UBQLN4: variants seen among roughly 807,000 people sequenced by gnomAD.
UBQLN4 encodes ubiquilin 4, also known as ubiquilin-4.
In UBQLN4, 11 loss-of-function variants were observed where a neutral mutation model predicts 60.4. The observed-to-expected ratio is 0.18, with a 90% confidence interval of 0.11 to 0.30. UBQLN4 has a LOEUF of 0.30. Among genes scored for constraint, UBQLN4 ranks in the 10% least tolerant of loss-of-function variants. UBQLN4 has a pLI of 1.00. For synonymous variants in UBQLN4, 258 were observed against 313.1 expected (o/e 0.82, Z 1.86); for missense variants, 417 against 795.5 (o/e 0.52, Z 5.72).
In UBQLN4 at chr1:156,047,532, T is replaced by A. The variant is rs182577918; in HGVS notation, c.900+969A>T. On this transcript the variant is annotated intron_variant, in intron 5 of 10. Transcript: ENST00000368309. Reference sequence around the variant, plus strand: ...TGCTGGGATTACAGGTGTCAGCCACTGCGCCTGGCCAACTTTTGCATTTTC... The same window carrying A: ...TGCTGGGATTACAGGTGTCAGCCACAGCGCCTGGCCAACTTTTGCATTTTC... 2.0e-3 allele frequency among the ~76,000 whole-genome samples: 298 copies of A among 151,658 alleles called. 2 individuals carry two copies. Among genetic ancestry groups the A allele is most frequent in the African/African-American group, 6.9e-3 (285 of 41,386 alleles).
downstream of UBQLN4, among the ~76,000 whole-genome samples, chr1:156,032,531 G>A (rs199654229): frequency 1.5e-5 from 2 of 137,138 alleles, no homozygotes; most frequent in Non-Finnish European, 3.2e-5. Flanking sequence ...AAAAAAAAAA[G>A]AATGAACGTT....
At chr1:156,042,652 G>A (rs1683599193) in intron 7 of UBQLN4, 122 bp downstream of exon 7, 1 of 1,411,528 alleles carries the variant, frequency 7.1e-7, no homozygotes, top group African/African-American at 1.4e-5. Flanking sequence ...CAGCTGGGAA[G>A]CAGCAGAGCT....
chr1:156,047,250 T>C (rs377530623), intron 5 of UBQLN4, among the ~76,000 whole-genome samples: 1 of 150,748 alleles, frequency 6.6e-6, no homozygotes, highest in East Asian at 1.9e-4. Context: ...GAATTTTTTT[T>C]TTTTTTTTTT....
intron 5 of UBQLN4, among the ~76,000 whole-genome samples, chr1:156,047,410 A>T (rs1189485419): frequency 6.6e-6 from 1 of 151,078 alleles, no homozygotes; most frequent in African/African-American, 2.4e-5. Flanking sequence ...TGCCCGGCTA[A>T]TTTTTTGTAT....
At position 156,036,523 on chromosome 1, in the gene UBQLN4, T is replaced by C; in HGVS notation, c.*455A>G. 2 of 986,382 alleles carry C rather than the reference T, an allele frequency of 2.0e-6. No homozygotes were observed. The highest frequency in any genetic ancestry group is 2.4e-6 in the Non-Finnish European group (2 of 830,522). The allele number at this position is 986,382 out of a possible 1,614,324, so 61.1% of individuals were successfully genotyped here. On this transcript the variant is annotated 3_prime_UTR_variant, in exon 11 of 11. Coordinates refer to ENST00000368309, the MANE Select transcript of UBQLN4 (RefSeq NM_020131.5). Reference sequence around the variant, plus strand: ...TCAGAGCAAGAAATTCTAGCATTGGTTGGGCTAGGGGTTGGGGGGTAGGGA... The same window carrying C: ...TCAGAGCAAGAAATTCTAGCATTGGCTGGGCTAGGGGTTGGGGGGTAGGGA...
chr1:156,033,275 C>G, downstream of UBQLN4: 1 of 985,482 alleles, frequency 1.0e-6, no homozygotes, highest in Non-Finnish European at 1.2e-6. Context: ...CCAAGGAAAG[C>G]TCTGGGCAGA....
chr1:156,032,068 T>G (rs1053624106), downstream of UBQLN4, among the ~76,000 whole-genome samples: 10 of 144,368 alleles, frequency 6.9e-5, no homozygotes, highest in Non-Finnish European at 1.5e-4. Flanking sequence ...CCAAAATGAG[T>G]TTTTTTTTTG....
intron 6 of UBQLN4, among the ~76,000 whole-genome samples, chr1:156,043,642 C>T (rs1683625409): frequency 1.3e-5 from 2 of 152,140 alleles, no homozygotes; most frequent in South Asian, 4.1e-4. Flanking sequence ...CTGCACATCC[C>T]TTTCCCCCAG....
In UBQLN4 at chr1:156,035,566, C is replaced by T. The variant is rs1683378660; in HGVS notation, c.*1412G>A. On this transcript the variant is annotated 3_prime_UTR_variant, in exon 11 of 11. Transcript: ENST00000368309. ...AATTCCAGATCAAAGGCATCATTGC[C>T]ACCCTCTCCTCTCCTTCCTCAAAGA... The T allele has an allele frequency of 2.1e-5, 21 of 985,264 alleles. No individual in the cohort carries two copies. The highest frequency in any genetic ancestry group is 2.3e-5 in the Non-Finnish European group (19 of 829,930). 61.0% of individuals were successfully genotyped at this position (985,264 alleles called of 1,614,324 possible).
chr1:156,046,980 A>G (rs1357161767), intron 5 of UBQLN4, among the ~76,000 whole-genome samples: 1 of 152,210 alleles, frequency 6.6e-6, no homozygotes, highest in East Asian at 1.9e-4. Context: ...CAACTTCAGC[A>G]TACTAGTTAC....
intron 10 of UBQLN4, among the ~76,000 whole-genome samples, chr1:156,038,606 G>A (rs1024158736): frequency 3.3e-5 from 5 of 152,064 alleles, no homozygotes; most frequent in African/African-American, 4.8e-5. Context: ...GCAGTGAGCC[G>A]AGACTGTGCC....
intron 10 of UBQLN4, among the ~76,000 whole-genome samples, chr1:156,038,425 T>A (rs1683462083): frequency 6.6e-6 from 1 of 150,872 alleles, no homozygotes; most frequent in Non-Finnish European, 1.5e-5. Flanking sequence ...TTTGGGAGGC[T>A]GAGGCAGGTG....
intron 5 of UBQLN4, among the ~76,000 whole-genome samples, chr1:156,045,946 A>T (rs1683687088): frequency 6.6e-6 from 1 of 151,964 alleles, no homozygotes. Flanking sequence ...CCAGGGTTCA[A>T]GCAATTCTCT....
chr1:156,042,103 A>C (rs1683583324), intron 8 of UBQLN4, 50 bp downstream of exon 8: 2 of 1,609,340 alleles, frequency 1.2e-6, no homozygotes, highest in African/African-American at 2.7e-5. Context: ...ATTGGGCTTC[A>C]GGGACTACCC....
intron 3 of UBQLN4, 66 bp downstream of exon 3, chr1:156,051,044 C>T: frequency 4.0e-6 from 6 of 1,497,366 alleles, no homozygotes; most frequent in South Asian, 3.6e-5. Context: ...CTGTTTCTCC[C>T]TCCTCTTGGC....
downstream of UBQLN4, among the ~76,000 whole-genome samples, chr1:156,034,837 A>AGAAT (rs1558083137): frequency 1.7e-4 from 7 of 40,356 alleles, no homozygotes; most frequent in Non-Finnish European, 3.5e-4. Context: ...ATATATATAT[A>AGAAT]TATATATATA....
chr1:156,047,588 AAAATT>A (rs1468157776), intron 5 of UBQLN4, among the ~76,000 whole-genome samples: 2 of 151,714 alleles, frequency 1.3e-5, no homozygotes, highest in Non-Finnish European at 2.9e-5. Flanking sequence ...TGTTTAATGT[AAAATT>A]AAATTTTTAA....
chr1:156,045,905 GC>G (rs1350923366), intron 5 of UBQLN4, among the ~76,000 whole-genome samples: 1 of 152,010 alleles, frequency 6.6e-6, no homozygotes, highest in Non-Finnish European at 1.5e-5. Context: ...GAGTGCAAAG[GC>G]ACAATCTCGG....
intron 10 of UBQLN4, among the ~76,000 whole-genome samples, chr1:156,038,526 A>G (rs554195010): frequency 2.0e-5 from 3 of 151,354 alleles, no homozygotes; most frequent in African/African-American, 7.3e-5. Flanking sequence ...GCATGGTGAC[A>G]GGAGCCTGTA....
Sources: allele counts gnomAD v4.1 joint callset (sites outside exome capture counted in the v4.1 genomes callset), GRCh38; gene constraint gnomAD v4.1.1; transcripts MANE v1.5; gene names NCBI Gene and HGNC (gene_info 2026-07-23, HGNC 2026-07-21).